Variants in VWC2L observed in about 807,000 individuals in gnomAD.
The protein encoded by VWC2L is von Willebrand factor C domain containing 2 like.
VWC2L carries 10 observed loss-of-function variants against 21.6 expected under a neutral mutation model. That is an observed-to-expected ratio of 0.46 (90% CI 0.29 to 0.78). The LOEUF (loss-of-function observed/expected upper bound fraction) is 0.78. VWC2L is among the 30% of genes least tolerant of loss of function. The pLI, the probability that VWC2L is intolerant of heterozygous loss-of-function variation, is 0.10. For missense variants in VWC2L, 209 were observed against 277.1 expected (o/e 0.75, Z 1.74); for synonymous variants, 96 against 94.3 (o/e 1.02, Z -0.10).
At position 214,576,882 on chromosome 2, in the gene VWC2L, T is replaced by C. The variant is rs1005168756; in HGVS notation, c.*1062T>C. The C allele has an allele frequency of 4.8e-5, 7 of 145,582 alleles. No homozygotes were observed. Among genetic ancestry groups the C allele is most frequent in the Non-Finnish European group, 1.0e-4 (7 of 67,164 alleles). 9.0% of individuals were successfully genotyped at this position (145,582 alleles called of 1,614,324 possible). A position where few individuals can be genotyped will look rare whatever the true frequency, so the allele number is the denominator to read the frequency against. On this transcript the variant is annotated 3_prime_UTR_variant, in exon 4 of 4. Coordinates refer to ENST00000312504, the MANE Select transcript of VWC2L (RefSeq NM_001080500.4). ...TCTGAAACACAGATTCAGGACACCC[T>C]TTCCACCTCAAGTGCTGATTTAAAT...
chr2:214,555,160 C>A (rs765819062), intron 3 of VWC2L, among the ~76,000 whole-genome samples: 1 of 152,250 alleles, frequency 6.6e-6, no homozygotes, highest in African/African-American at 2.4e-5. Context: ...GAGTGTAACC[C>A]TTTCTACCAA....
intron 3 of VWC2L, among the ~76,000 whole-genome samples, chr2:214,491,964 G>C (rs1397887709): frequency 6.6e-6 from 1 of 152,124 alleles, no homozygotes; most frequent in African/African-American, 2.4e-5. Context: ...GCAGAAATGT[G>C]GTAAATGTTA....
At chr2:214,561,868 AAATTT>A (rs1689980459) in intron 3 of VWC2L, among the ~76,000 whole-genome samples, 1 of 149,246 alleles carries the variant, frequency 6.7e-6, no homozygotes, top group African/African-American at 2.5e-5. Context: ...GTATATATCT[AAATTT>A]AATATATCAA....
At chr2:214,425,864 AG>A (rs1702516957) in intron 2 of VWC2L, among the ~76,000 whole-genome samples, 1 of 152,090 alleles carries the variant, frequency 6.6e-6, no homozygotes, top group Non-Finnish European at 1.5e-5. Flanking sequence ...TGACTGCTCT[AG>A]GAACTCAGAT....
At chr2:214,566,269 G>A (rs571599338) in intron 3 of VWC2L, among the ~76,000 whole-genome samples, 13 of 152,250 alleles carry the variant, frequency 8.5e-5, no homozygotes, top group South Asian at 4.1e-4. Context: ...CGTAGGACCC[G>A]AACTATGCCA....
At chr2:214,506,911 C>T (rs1688975323) in intron 3 of VWC2L, among the ~76,000 whole-genome samples, 1 of 151,206 alleles carries the variant, frequency 6.6e-6, no homozygotes, top group African/African-American at 2.4e-5. Flanking sequence ...AAGAAGAGTA[C>T]AAATACATTA....
intron 3 of VWC2L, among the ~76,000 whole-genome samples, chr2:214,498,463 G>C (rs1191468565): frequency 4.6e-5 from 7 of 151,912 alleles, no homozygotes; most frequent in East Asian, 1.9e-4. Context: ...CTTGTCTCTA[G>C]GTATGCTTGA....
chr2:214,425,900 G>A (rs1477792244), intron 2 of VWC2L, among the ~76,000 whole-genome samples: 2 of 152,034 alleles, frequency 1.3e-5, no homozygotes, highest in East Asian at 3.9e-4. Context: ...GATCGGGCAC[G>A]GTGGCTCACC....
chr2:214,513,794 C>T (rs1689096706), intron 3 of VWC2L, among the ~76,000 whole-genome samples: 1 of 152,088 alleles, frequency 6.6e-6, no homozygotes, highest in African/African-American at 2.4e-5. Flanking sequence ...GTCCTCTTAG[C>T]ACCCCTCACA....
At chr2:214,441,823 A>G (rs1702766174) in intron 3 of VWC2L, among the ~76,000 whole-genome samples, 1 of 151,922 alleles carries the variant, frequency 6.6e-6, no homozygotes, top group South Asian at 2.1e-4. Flanking sequence ...TATAATGTAT[A>G]CTACATATCT....
intron 3 of VWC2L, among the ~76,000 whole-genome samples, chr2:214,516,353 T>C (rs1399278541): frequency 2.0e-5 from 3 of 152,062 alleles, no homozygotes; most frequent in South Asian, 4.2e-4. Context: ...TGCTCAGTTG[T>C]TTCCAGCATG....
intron 3 of VWC2L, among the ~76,000 whole-genome samples, chr2:214,498,639 A>G (rs1425322454): frequency 6.7e-6 from 1 of 149,852 alleles, no homozygotes; most frequent in African/African-American, 2.4e-5. Context: ...ATATCTCTAT[A>G]TGTATATTTA....
chr2:214,470,380 T>C (rs1703287988), intron 3 of VWC2L, among the ~76,000 whole-genome samples: 1 of 152,146 alleles, frequency 6.6e-6, no homozygotes, highest in Non-Finnish European at 1.5e-5. Context: ...ATCCCATAGG[T>C]ACTTATAGGT....
At chr2:214,566,692 G>A (rs1160633245) in intron 3 of VWC2L, among the ~76,000 whole-genome samples, 2 of 151,934 alleles carry the variant, frequency 1.3e-5, no homozygotes, top group African/African-American at 4.8e-5. Flanking sequence ...TCCAGCAATA[G>A]CAATCTCATC....
intron 3 of VWC2L, among the ~76,000 whole-genome samples, chr2:214,450,463 TAATG>T (rs1702936745): frequency 6.6e-6 from 1 of 152,244 alleles, no homozygotes; most frequent in Admixed American, 6.5e-5. Flanking sequence ...AAAATTTGCA[TAATG>T]AATGTTACTA....
chr2:214,476,723 T>C (rs1259881428), intron 3 of VWC2L, among the ~76,000 whole-genome samples: 1 of 152,226 alleles, frequency 6.6e-6, no homozygotes, highest in East Asian at 1.9e-4. Flanking sequence ...ATCCTATTTT[T>C]GCCTGACTTT....
At chr2:214,541,726 C>A (rs376108168) in intron 3 of VWC2L, among the ~76,000 whole-genome samples, 1 of 152,108 alleles carries the variant, frequency 6.6e-6, no homozygotes, top group African/African-American at 2.4e-5. Context: ...TTAGCATGTA[C>A]GAGACTCAGC....
chr2:214,553,442 G>A (rs1689826259), intron 3 of VWC2L, among the ~76,000 whole-genome samples: 1 of 152,154 alleles, frequency 6.6e-6, no homozygotes, highest in South Asian at 2.1e-4. Flanking sequence ...GGAAGTGGGG[G>A]CTTCCCGGTC....
At chr2:214,454,430 T>C (rs904167705) in intron 3 of VWC2L, among the ~76,000 whole-genome samples, 1 of 151,700 alleles carries the variant, frequency 6.6e-6, no homozygotes, top group African/African-American at 2.4e-5. Context: ...TGTTATCAGT[T>C]TGAAAAAGTC....
Sources: allele counts gnomAD v4.1 joint callset (sites outside exome capture counted in the v4.1 genomes callset), GRCh38; gene constraint gnomAD v4.1.1; transcripts MANE v1.5; gene names NCBI Gene and HGNC (gene_info 2026-07-23, HGNC 2026-07-21).